Variants in PLEKHG4B observed in about 807,000 individuals in gnomAD.
The protein encoded by PLEKHG4B is pleckstrin homology and RhoGEF domain containing G4B, also known as pleckstrin homology domain-containing family G member 4B.
Under a neutral mutation model 121.3 loss-of-function variants are expected in PLEKHG4B, and 111 were observed. That is an observed-to-expected ratio of 0.92 (90% CI 0.78 to 1.07). The LOEUF is 1.07. Ranked by LOEUF, PLEKHG4B falls within the 50% of genes least tolerant of loss-of-function variation. PLEKHG4B has a pLI of 0.00. For synonymous variants in PLEKHG4B, 738 were observed against 725.0 expected, an observed-to-expected ratio of 1.02 and a Z score of -0.29; for missense variants, 1,831 against 1,757.8, an observed-to-expected ratio of 1.04 and a Z score of -0.74.
intron 1 of PLEKHG4B, among the ~76,000 whole-genome samples, chr5:96,825 G>A (rs1446980576): frequency 6.6e-6 from 1 of 152,118 alleles, no homozygotes; most frequent in African/African-American, 2.4e-5. Context: ...TAGGGTGGGA[G>A]TAATAAATAC....
intron 1 of PLEKHG4B, among the ~76,000 whole-genome samples, chr5:104,635 G>C (rs535502955): frequency 3.5e-4 from 54 of 152,256 alleles, no homozygotes; most frequent in African/African-American, 1.3e-3. Context: ...TCACCGTACA[G>C]TATACAAGGT....
At position 165,669 on chromosome 5, in the gene PLEKHG4B, C is replaced by T. The variant is rs1384825823; in HGVS notation, c.3476+2121C>T. 3.4e-4 allele frequency among the ~76,000 whole-genome samples: 12 copies of T among 34,912 alleles called. 1 individual carries two copies. The highest frequency in any genetic ancestry group is 4.2e-4 in the East Asian group (1 of 2,358). 22.9% of individuals were successfully genotyped at this position (34,912 alleles called of 152,430 possible). On this transcript the variant is annotated intron_variant, in intron 13 of 19. Coordinates refer to ENST00000637938, the MANE Select transcript of PLEKHG4B (RefSeq NM_052909.5). ...GGCGGAGCTCACACTAATGCTCTGA[C>T]GGGGCGGGGCTCACACTAATGCTCT...
intron 2 of PLEKHG4B, among the ~76,000 whole-genome samples, chr5:117,709 C>T (rs765774100): frequency 1.2e-4 from 19 of 152,020 alleles, no homozygotes; most frequent in Admixed American, 2.6e-4. Context: ...AAAAGTTAGC[C>T]GGGCGTGGTG....
rs1342458019 is a variant in PLEKHG4B, at chr5:156,643, C to T, written c.2349-130C>T. 7.9e-7 allele frequency: 1 copy of T among 1,262,912 alleles called. No homozygotes were observed. The highest frequency in any genetic ancestry group is 2.6e-5 in the East Asian group (1 of 39,138). The allele number at this position is 1,262,912 out of a possible 1,614,324, so 78.2% of individuals were successfully genotyped here. ...TGTGCCCCGCCTCGGTTGTGGGCCT[C>T]CTCCTGGGGCTCCCGTTGCCTTGTG... On this transcript the variant is annotated intron_variant, in intron 10 of 19. Transcript: ENST00000637938. This position sits in a 1 kb window ranked among gnomAD's most constrained non-coding sequence, Gnocchi z 4.4.
At chr5:167,621 C>T (rs1239865061) in intron 13 of PLEKHG4B, among the ~76,000 whole-genome samples, 2 of 152,200 alleles carry the variant, frequency 1.3e-5, no homozygotes, top group African/African-American at 4.8e-5. Flanking sequence ...ATGGTGCTGT[C>T]TGAGGTGCAG....
At chr5:181,747 G>T in intron 19 of PLEKHG4B, 72 bp downstream of exon 19, 1 of 1,546,788 alleles carries the variant, frequency 6.5e-7, no homozygotes, top group South Asian at 1.2e-5. Flanking sequence ...GCATGGGTAC[G>T]GTGGCATCGG....
chr5:162,605 TCTG>T, intron 12 of PLEKHG4B, 114 bp from the exon 13 acceptor site: 1 of 748,074 alleles, frequency 1.3e-6, no homozygotes, highest in Admixed American at 3.8e-5. Flanking sequence ...TGCCTCTCGC[TCTG>T]CTTTCTGGCC....
intron 2 of PLEKHG4B, among the ~76,000 whole-genome samples, chr5:125,641 C>T (rs1391355682): frequency 6.6e-6 from 1 of 152,148 alleles, no homozygotes; most frequent in African/African-American, 2.4e-5. Context: ...AAGGCAGTTA[C>T]AAGCCATTGT....
intron 1 of PLEKHG4B, among the ~76,000 whole-genome samples, chr5:96,161 T>A (rs112930903): frequency 9.2e-5 from 14 of 152,284 alleles, no homozygotes; most frequent in South Asian, 4.1e-4. Flanking sequence ...CAGGTCAACT[T>A]TTGGTTTTCC....
chr5:100,968 G>A (rs1286672853), intron 1 of PLEKHG4B, among the ~76,000 whole-genome samples: 93 of 102,146 alleles, frequency 9.1e-4, no homozygotes, highest in African/African-American at 3.4e-3. Context: ...TCCATATAAA[G>A]CCCTGGAAAA....
chr5:121,381 A>G (rs917468807), intron 2 of PLEKHG4B, among the ~76,000 whole-genome samples: 1 of 152,252 alleles, frequency 6.6e-6, no homozygotes, highest in Non-Finnish European at 1.5e-5. Context: ...GACTTGCCAA[A>G]GAAAGTCATC....
At chr5:102,614 G>C (rs750593300) in intron 1 of PLEKHG4B, among the ~76,000 whole-genome samples, 5 of 152,188 alleles carry the variant, frequency 3.3e-5, no homozygotes, top group Non-Finnish European at 7.3e-5. Flanking sequence ...TCTTCCATGA[G>C]TCAAAGCTCC....
At position 188,512 on chromosome 5, in the gene PLEKHG4B, G is replaced by T. The variant is rs932190300; in HGVS notation, c.*6189G>T. 6.6e-6 allele frequency: 1 copy of T among 152,282 alleles called. No homozygotes were observed. The highest frequency in any genetic ancestry group is 1.5e-5 in the Non-Finnish European group (1 of 68,062). 9.4% of individuals were successfully genotyped at this position (152,282 alleles called of 1,614,324 possible). On this transcript the variant is annotated 3_prime_UTR_variant, in exon 20 of 20. Coordinates refer to ENST00000637938, the MANE Select transcript of PLEKHG4B (RefSeq NM_052909.5). ...AACGATAGGTGAATGTGGGTTCTGT[G>T]TGCCTGTGACATAGAGAATGTTTTC... is the stretch of plus-strand genomic sequence containing the variant.
chr5:136,755 G>A (rs1349942568), intron 2 of PLEKHG4B, among the ~76,000 whole-genome samples: 2 of 152,192 alleles, frequency 1.3e-5, no homozygotes, highest in Non-Finnish European at 2.9e-5. Context: ...GGGTCCTCGT[G>A]CGTGGTTGGT....
At chr5:134,362 T>C (rs1387468591) in intron 2 of PLEKHG4B, among the ~76,000 whole-genome samples, 2 of 151,692 alleles carry the variant, frequency 1.3e-5, no homozygotes, top group African/African-American at 2.4e-5. Context: ...AGACTACACA[T>C]TGGGTGCACC....
At position 155,961 on chromosome 5, in the gene PLEKHG4B, G is replaced by A. The variant is rs1018040348; in HGVS notation, c.2209-110G>A. On this transcript the variant is annotated intron_variant, in intron 9 of 19. Coordinates refer to ENST00000637938, the MANE Select transcript of PLEKHG4B (RefSeq NM_052909.5). ...AGGAGTGGGCACTGTCATGCCGCCA[G>A]GCCTGCAGCTTGATTTATGGAAACA... is the stretch of plus-strand genomic sequence containing the variant. The A allele has an allele frequency of 6.0e-6, 7 of 1,167,540 alleles. No homozygotes were observed. In the African/African-American group the frequency reaches 1.1e-4, roughly 18 times the overall value. 72.3% of individuals were successfully genotyped at this position (1,167,540 alleles called of 1,614,324 possible).
intron 1 of PLEKHG4B, among the ~76,000 whole-genome samples, chr5:110,399 G>A (rs1385915826): frequency 1.1e-4 from 11 of 104,088 alleles, no homozygotes; most frequent in East Asian, 5.8e-4. Context: ...TGCAACACAC[G>A]TGCACACACC....
intron 1 of PLEKHG4B, among the ~76,000 whole-genome samples, chr5:100,493 C>T (rs1282031235): frequency 1.1e-4 from 5 of 47,018 alleles, no homozygotes; most frequent in African/African-American, 4.8e-4. Flanking sequence ...CATATAAAGC[C>T]CTGGAAAAAG....
intron 11 of PLEKHG4B, among the ~76,000 whole-genome samples, chr5:161,030 C>A (rs1735983508): frequency 1.3e-5 from 2 of 152,238 alleles, no homozygotes; most frequent in Admixed American, 6.5e-5. Flanking sequence ...CAGCTGTTCT[C>A]TTCTTCACAA....
Sources: allele counts gnomAD v4.1 joint callset (sites outside exome capture counted in the v4.1 genomes callset), GRCh38; gene constraint gnomAD v4.1.1; non-coding constraint Gnocchi (gnomAD v3.1); transcripts MANE v1.5; gene names NCBI Gene and HGNC (gene_info 2026-07-23, HGNC 2026-07-21).